PSME4: variants seen among roughly 807,000 people sequenced by gnomAD.
PSME4 encodes proteasome activator subunit 4, also known as proteasome activator complex subunit 4.
In PSME4, 89 loss-of-function variants were observed where a neutral mutation model predicts 253.9. That is an observed-to-expected ratio of 0.35 (90% CI 0.30 to 0.42). The LOEUF (loss-of-function observed/expected upper bound fraction) is 0.42, where lower values mean the gene tolerates loss of function less well. PSME4 is among the 10% of genes least tolerant of loss of function. The pLI is 1.00. For synonymous variants in PSME4, 851 were observed against 759.2 expected, an observed-to-expected ratio of 1.12 and a Z score of -1.99; for missense variants, 2,014 against 2,195.2, an observed-to-expected ratio of 0.92 and a Z score of 1.65.
intron 3 of PSME4, among the ~76,000 whole-genome samples, chr2:53,945,996 G>C (rs1175301635): frequency 6.6e-6 from 1 of 152,150 alleles, no homozygotes; most frequent in Non-Finnish European, 1.5e-5. Flanking sequence ...AAAAGATCAA[G>C]AACAGCCATG....
At chr2:53,940,914 T>A (rs1243153304) in intron 3 of PSME4, among the ~76,000 whole-genome samples, 760 of 72,138 alleles carry the variant, frequency 0.011, 28 homozygotes, top group Non-Finnish European at 0.014. Flanking sequence ...TAATACATAT[T>A]TAAATATATA....
chr2:53,956,969 A>G (rs1321824746), intron 1 of PSME4, among the ~76,000 whole-genome samples: 4 of 152,190 alleles, frequency 2.6e-5, no homozygotes, highest in African/African-American at 7.2e-5. Flanking sequence ...ATTGCAACTG[A>G]TATGTTTAAA....
At chr2:53,937,966 C>T (rs1334966186) in intron 4 of PSME4, among the ~76,000 whole-genome samples, 1 of 151,074 alleles carries the variant, frequency 6.6e-6, no homozygotes, top group Non-Finnish European at 1.5e-5. Flanking sequence ...GCACTCCAGC[C>T]TGGGCAACAG....
intron 24 of PSME4, among the ~76,000 whole-genome samples, 191 bp from the exon 25 acceptor site, chr2:53,907,059 G>C (rs1427445263): frequency 6.6e-6 from 1 of 152,018 alleles, no homozygotes; most frequent in African/African-American, 2.4e-5. Flanking sequence ...GCTAACAGTA[G>C]AAATATCCCC....
At chr2:53,925,364 G>A (rs536102568) in intron 14 of PSME4, among the ~76,000 whole-genome samples, 175 bp downstream of exon 14, 18 of 152,308 alleles carry the variant, frequency 1.2e-4, no homozygotes, top group Admixed American at 2.0e-4. Flanking sequence ...GAGCAAACAG[G>A]TAAATTTGCA....
chr2:53,892,989 C>G (rs368963475), intron 35 of PSME4, 29 bp from the exon 36 acceptor site: 10 of 1,578,564 alleles, frequency 6.3e-6, no homozygotes, highest in Non-Finnish European at 8.6e-6. Flanking sequence ...TTCTTCAGTA[C>G]TCAAATGACT....
At chr2:53,946,073 G>A (rs1669685203) in intron 3 of PSME4, among the ~76,000 whole-genome samples, 1 of 152,138 alleles carries the variant, frequency 6.6e-6, no homozygotes, top group Non-Finnish European at 1.5e-5. Context: ...TAATCAATAA[G>A]CACTGACTGA....
intron 43 of PSME4, among the ~76,000 whole-genome samples, chr2:53,871,560 A>G (rs889488712): frequency 6.6e-6 from 1 of 152,056 alleles, no homozygotes; most frequent in Non-Finnish European, 1.5e-5. Context: ...GGCTATCTGC[A>G]TACATTATTA....
chr2:53,890,288 T>G lies in PSME4; in HGVS notation c.4192-80A>C, dbSNP rs905339536. On this transcript the variant is annotated intron_variant, in intron 36 of 46. Coordinates refer to ENST00000404125, the MANE Select transcript of PSME4 (RefSeq NM_014614.3). ...TCAAATATCTTTCTTTACCTGGAAA[T>G]GTACACACATACAGGTATATCATTT... is the stretch of plus-strand genomic sequence containing the variant. The G allele has an allele frequency of 2.3e-5, 21 of 928,380 alleles. No homozygotes were observed. The African/African-American group carries it at 2.8e-4, about 12-fold the overall frequency. The allele number at this position is 928,380 out of a possible 1,614,324, so 57.5% of individuals were successfully genotyped here. A position where few individuals can be genotyped will look rare whatever the true frequency, so the allele number is the denominator to read the frequency against.
chr2:53,882,915 A>C (rs925145736), intron 41 of PSME4, among the ~76,000 whole-genome samples: 2 of 151,498 alleles, frequency 1.3e-5, no homozygotes, highest in African/African-American at 4.9e-5. Flanking sequence ...AAAAATAAAT[A>C]AATAAGATAA....
At chr2:53,908,237 T>C (rs1667656169) in intron 24 of PSME4, 83 bp downstream of exon 24, 5 of 1,066,522 alleles carry the variant, frequency 4.7e-6, no homozygotes, top group Non-Finnish European at 6.7e-6. Flanking sequence ...AAACTTCTTC[T>C]ATATGCTGAA....
At chr2:53,897,739 G>T in intron 31 of PSME4, 131 bp downstream of exon 31, 1 of 1,035,654 alleles carries the variant, frequency 9.7e-7, no homozygotes. Flanking sequence ...TGAATCAACA[G>T]GGGGAGATTT....
At chr2:53,969,977 C>G (rs1670968917) in intron 1 of PSME4, among the ~76,000 whole-genome samples, 1 of 152,142 alleles carries the variant, frequency 6.6e-6, no homozygotes, top group African/African-American at 2.4e-5. Context: ...TTAAACGACC[C>G]TTTTCGATCA....
In PSME4 at chr2:53,891,503, C is replaced by T. The variant is rs372966867; in HGVS notation, c.4192-1295G>A. On this transcript the variant is annotated intron_variant, in intron 36 of 46. Transcript: ENST00000404125. ...CAAAATATCACATGTACCCCATAAA[C>T]ATGAACAGTTACTATTATTAATTTT... Among the ~76,000 whole-genome samples, 28 of 152,176 alleles carry T rather than the reference C, an allele frequency of 1.8e-4. No homozygotes were observed. In the Middle Eastern group the frequency reaches 0.01, roughly 55 times the overall value.
chr2:53,940,923 T>TAC lies in PSME4; in HGVS notation c.501-924_501-923insGT, dbSNP rs1558413359. ...TATATATAATACATATTTAAATATA[T>TAC]ATATAATACATATATAAATATATAT... is the stretch of plus-strand genomic sequence containing the variant. On this transcript the variant is annotated intron_variant, in intron 3 of 46. Transcript: ENST00000404125. Among the ~76,000 whole-genome samples, 10 of 126,096 alleles carry TAC rather than the reference T, an allele frequency of 7.9e-5. 1 individual carries two copies. The South Asian group carries it at 1.1e-3, about 14-fold the overall frequency. 82.7% of individuals were successfully genotyped at this position (126,096 alleles called of 152,430 possible). A position where few individuals can be genotyped will look rare whatever the true frequency, so the allele number is the denominator to read the frequency against.
chr2:53,900,096 T>A, intron 28 of PSME4, 79 bp from the exon 29 acceptor site: 1 of 1,327,610 alleles, frequency 7.5e-7, no homozygotes, highest in Non-Finnish European at 1.0e-6. Context: ...AATGTCATGC[T>A]AAGTGAAAGA....
At chr2:53,866,262 G>A (rs755896539) in intron 45 of PSME4, 39 bp from the exon 46 acceptor site, 2 of 1,602,764 alleles carry the variant, frequency 1.2e-6, no homozygotes, top group Non-Finnish European at 8.5e-7. Flanking sequence ...TAACCTCTCT[G>A]GACAACCAGG....
At chr2:53,924,183 C>A (rs367708957) in intron 14 of PSME4, among the ~76,000 whole-genome samples, 6 of 152,118 alleles carry the variant, frequency 3.9e-5, no homozygotes, top group African/African-American at 1.4e-4. Context: ...TTTACTTGCT[C>A]AATGGAAGAA....
rs1336335356 is a variant in PSME4, at chr2:53,896,827, AG to A, written c.3664del (p.Leu1222Ter). On this transcript the variant is annotated frameshift_variant, in exon 32 of 47. Coordinates refer to ENST00000404125, the MANE Select transcript of PSME4 (RefSeq NM_014614.3). LOFTEE classifies it high-confidence loss of function. ...ACTGATTTCACAGGGGTTAATGGTC[AG>A]CTTTTTGTGGGTTCTTTTTAGCTGT... ...LKQLKRTHKKLTINPCEISGC... is the reference protein window; with the variant it reads ...LKQLKRTHKKXTINPCEISGC... The A allele has an allele frequency of 6.2e-7, 1 of 1,610,618 alleles. No homozygotes were observed. The highest frequency in any genetic ancestry group is 8.5e-7 in the Non-Finnish European group (1 of 1,176,904).
Sources: allele counts gnomAD v4.1 joint callset (sites outside exome capture counted in the v4.1 genomes callset), GRCh38; gene constraint gnomAD v4.1.1; transcripts MANE v1.5; gene names NCBI Gene and HGNC (gene_info 2026-07-23, HGNC 2026-07-21).